The following GSK3B variants were observed in gnomAD, a reference collection of about 807,000 sequenced individuals.
GSK3B encodes the protein glycogen synthase kinase-3 beta.
In GSK3B, 15 loss-of-function variants were observed where a neutral mutation model predicts 56.4. That is an observed-to-expected ratio of 0.27 (90% CI 0.18 to 0.41). GSK3B has a LOEUF of 0.41. GSK3B is among the 10% of genes least tolerant of loss of function. The pLI is 1.00. For synonymous variants in GSK3B, 181 were observed against 188.9 expected (o/e 0.96, Z 0.34); for missense variants, 300 against 513.4 (o/e 0.58, Z 4.02).
chr3:119,873,669 A>G (rs1009697536), intron 8 of GSK3B, among the ~76,000 whole-genome samples: 1 of 152,202 alleles, frequency 6.6e-6, no homozygotes, highest in Admixed American at 6.5e-5. Flanking sequence ...TTTAATTCTT[A>G]TAATAACCTA....
intron 2 of GSK3B, among the ~76,000 whole-genome samples, chr3:119,977,975 C>G (rs1576243153): frequency 6.6e-6 from 1 of 152,142 alleles, no homozygotes; most frequent in African/African-American, 2.4e-5. Flanking sequence ...AAACACTGGG[C>G]TGGGCATTGC....
At chr3:120,003,448 A>G (rs2057697334) in intron 1 of GSK3B, among the ~76,000 whole-genome samples, 1 of 152,218 alleles carries the variant, frequency 6.6e-6, no homozygotes, top group African/African-American at 2.4e-5. Context: ...TCCCTGACAA[A>G]TCTAAAACCA....
intron 3 of GSK3B, among the ~76,000 whole-genome samples, chr3:119,925,793 C>T (rs961777824): frequency 1.3e-5 from 2 of 152,114 alleles, no homozygotes; most frequent in African/African-American, 4.8e-5. Flanking sequence ...TTCCTCTCTC[C>T]TCCTATTCTA....
chr3:119,960,830 CTATAA>C (rs1048191947), intron 2 of GSK3B, among the ~76,000 whole-genome samples: 34 of 152,126 alleles, frequency 2.2e-4, no homozygotes, highest in African/African-American at 6.8e-4. Context: ...TCCCTCCCCA[CTATAA>C]TATAAGCTTT....
At chr3:119,858,309 A>C (rs1181274900) in intron 9 of GSK3B, among the ~76,000 whole-genome samples, 1 of 152,216 alleles carries the variant, frequency 6.6e-6, no homozygotes, top group African/African-American at 2.4e-5. Context: ...TTCTGTCTCC[A>C]CTGAAAATCT....
chr3:119,866,287 T>C (rs889660696), intron 8 of GSK3B, among the ~76,000 whole-genome samples: 6 of 152,172 alleles, frequency 3.9e-5, no homozygotes, highest in Non-Finnish European at 8.8e-5. Context: ...TGCTTAACAC[T>C]CAGACCTTTG....
At chr3:119,973,904 A>C (rs1488581549) in intron 2 of GSK3B, among the ~76,000 whole-genome samples, 1 of 152,182 alleles carries the variant, frequency 6.6e-6, no homozygotes, top group African/African-American at 2.4e-5. Flanking sequence ...AACTGGACAG[A>C]CACAATTAAA....
At chr3:119,903,080 T>G (rs2056641403) in intron 7 of GSK3B, among the ~76,000 whole-genome samples, 2 of 152,300 alleles carry the variant, frequency 1.3e-5, no homozygotes, top group South Asian at 4.1e-4. Context: ...TTTATTAACC[T>G]TCATGCAATA....
At chr3:120,082,195 C>T (rs369625495) in intron 1 of GSK3B, among the ~76,000 whole-genome samples, 7 of 152,070 alleles carry the variant, frequency 4.6e-5, no homozygotes, top group South Asian at 2.1e-4. Flanking sequence ...AAGCTGAAAA[C>T]ATGATTAAAA....
In GSK3B at chr3:120,093,687, C is replaced by G. The variant is rs945616399; in HGVS notation, c.-253G>C. 8 of 374,604 alleles carry G rather than the reference C, an allele frequency of 2.1e-5. No individual in the cohort carries two copies. The East Asian group carries it at 3.0e-4, about 14-fold the overall frequency. The allele number at this position is 374,604 out of a possible 1,614,324, so 23.2% of individuals were successfully genotyped here. On this transcript the variant is annotated 5_prime_UTR_variant, in exon 1 of 11. Coordinates refer to ENST00000264235, the MANE Select transcript of GSK3B (RefSeq NM_001146156.2). Reference sequence around the variant, plus strand: ...ATGATTTAGGACTTGGGAAAAAATACAATTCTTTCCCCTCCCTTTCCTGGG... The same window carrying G: ...ATGATTTAGGACTTGGGAAAAAATAGAATTCTTTCCCCTCCCTTTCCTGGG...
chr3:119,959,192 G>C (rs1029734737), intron 2 of GSK3B, among the ~76,000 whole-genome samples: 2 of 152,070 alleles, frequency 1.3e-5, no homozygotes, highest in Non-Finnish European at 2.9e-5. Flanking sequence ...GAAGTAGCCA[G>C]AACTTAGTCT....
chr3:119,853,471 G>A (rs2055969256), intron 9 of GSK3B, among the ~76,000 whole-genome samples: 3 of 152,196 alleles, frequency 2.0e-5, no homozygotes, highest in Admixed American at 2.0e-4. Flanking sequence ...GTCATTGGTA[G>A]CTTGATGAGG....
chr3:119,978,739 G>A (rs78639749), intron 2 of GSK3B, among the ~76,000 whole-genome samples: 14,888 of 151,806 alleles, frequency 0.098, 790 homozygotes, highest in South Asian at 0.15. Context: ...AAATCCAACC[G>A]GAACATCCAA....
chr3:120,062,879 AAT>A (rs2058249591), intron 1 of GSK3B, among the ~76,000 whole-genome samples: 1 of 152,190 alleles, frequency 6.6e-6, no homozygotes, highest in Admixed American at 6.5e-5. Flanking sequence ...AGTAAAGAGG[AAT>A]ATATACCCTA....
At chr3:119,857,038 T>TA (rs373188976) in intron 9 of GSK3B, among the ~76,000 whole-genome samples, 49 of 152,084 alleles carry the variant, frequency 3.2e-4, no homozygotes, top group Middle Eastern at 3.4e-3. Context: ...GCATTACATC[T>TA]AAAAAAAACC....
At chr3:119,982,121 G>A (rs774069365) in intron 2 of GSK3B, among the ~76,000 whole-genome samples, 2 of 152,190 alleles carry the variant, frequency 1.3e-5, no homozygotes, top group African/African-American at 4.8e-5. Context: ...CTGCAGCTGA[G>A]GGATCTGTTA....
chr3:119,913,001 T>G (rs1206033035), intron 5 of GSK3B, among the ~76,000 whole-genome samples, 191 bp from the exon 6 acceptor site: 1 of 152,114 alleles, frequency 6.6e-6, no homozygotes, highest in Non-Finnish European at 1.5e-5. Context: ...CACCTTGCTC[T>G]GCAAAAAAGA....
At chr3:120,045,824 C>T (rs982698081) in intron 1 of GSK3B, among the ~76,000 whole-genome samples, 2 of 152,130 alleles carry the variant, frequency 1.3e-5, no homozygotes, top group African/African-American at 2.4e-5. Context: ...AAAGTAGAGG[C>T]AACCAAGATG....
chr3:120,005,920 A>G (rs889206532), intron 1 of GSK3B, among the ~76,000 whole-genome samples: 2 of 152,214 alleles, frequency 1.3e-5, no homozygotes, highest in African/African-American at 4.8e-5. Context: ...AAATTCACAT[A>G]TAACAATATT....
Sources: allele counts gnomAD v4.1 joint callset (sites outside exome capture counted in the v4.1 genomes callset), GRCh38; gene constraint gnomAD v4.1.1; transcripts MANE v1.5; gene names NCBI Gene and HGNC (gene_info 2026-07-23, HGNC 2026-07-21).